PARP11: variants seen among roughly 807,000 people sequenced by gnomAD.
The protein encoded by PARP11 is protein mono-ADP-ribosyltransferase PARP11.
A neutral mutation model predicts 42.9 loss-of-function variants in PARP11; 31 were observed. The observed-to-expected ratio is 0.72, with a 90% CI of 0.54 to 0.98. The LOEUF is 0.98. Among genes scored for constraint, PARP11 ranks in the 50% least tolerant of loss-of-function variants. PARP11 has a pLI of 0.00. For synonymous variants in PARP11, 137 were observed against 127.3 expected, an observed-to-expected ratio of 1.08 and a Z score of -0.51; for missense variants, 365 against 413.1, an observed-to-expected ratio of 0.88 and a Z score of 1.01.
chr12:3,866,962 G>A (rs2138132136), intron 1 of PARP11, among the ~76,000 whole-genome samples: 1 of 152,228 alleles, frequency 6.6e-6, no homozygotes, highest in African/African-American at 2.4e-5. Context: ...AACTACCTGT[G>A]GAGAAAATAT....
At chr12:3,818,608 ATCCTCC>A (rs1213763208) in intron 6 of PARP11, among the ~76,000 whole-genome samples, 1 of 152,186 alleles carries the variant, frequency 6.6e-6, no homozygotes, top group African/African-American at 2.4e-5. Context: ...CACATCTCTC[ATCCTCC>A]TCACTGCCAA....
rs187071509 is a variant in PARP11 at position 3,822,141 on chromosome 12, C to T, written c.361G>A (p.Glu121Lys). The change falls in exon 5 of 8, where the codon GAG (glutamate) becomes AAG (lysine). Residue 121 changes from glutamate (E) to lysine (K), a missense_variant. Coordinates refer to ENST00000228820, the MANE Select transcript of PARP11 (RefSeq NM_020367.6). ...CAGTGTGGTGGCATAGGGATGGCCT[C>T]GTTTTCACAGATGTAACTTGAAACA... is the stretch of plus-strand genomic sequence containing the variant. ...ISAFSYICEN[E>K]AIPMPPHWEN... 3.7e-6 allele frequency: 6 copies of T among 1,613,560 alleles called. No individual in the cohort carries two copies. The East Asian group carries it at 6.7e-5, about 18-fold the overall frequency.
intron 1 of PARP11, among the ~76,000 whole-genome samples, chr12:3,842,866 G>C (rs982238976): frequency 5.3e-5 from 8 of 152,104 alleles, no homozygotes; most frequent in African/African-American, 1.9e-4. Context: ...TTCAAATGTT[G>C]GAAATGTGTG....
At chr12:3,834,634 CAAAA>C (rs567817866) in intron 1 of PARP11, among the ~76,000 whole-genome samples, 2 of 69,396 alleles carry the variant, frequency 2.9e-5, no homozygotes, top group Non-Finnish European at 3.2e-5. Flanking sequence ...CACTCCATCT[CAAAA>C]AAAAAAAAAA....
chr12:3,869,905 T>C (rs1948445675), intron 1 of PARP11, among the ~76,000 whole-genome samples: 1 of 152,152 alleles, frequency 6.6e-6, no homozygotes, highest in South Asian at 2.1e-4. Context: ...GCTCAATAAA[T>C]AAGTGAGTGA....
chr12:3,846,850 T>G (rs1948012491), intron 1 of PARP11, among the ~76,000 whole-genome samples: 1 of 151,610 alleles, frequency 6.6e-6, no homozygotes, highest in Admixed American at 6.6e-5. Flanking sequence ...TTTGGGAGGC[T>G]GAGGTAGGAG....
chr12:3,850,626 A>G (rs1247976335), intron 1 of PARP11, among the ~76,000 whole-genome samples: 1 of 152,136 alleles, frequency 6.6e-6, no homozygotes, highest in Non-Finnish European at 1.5e-5. Context: ...AGAGGCCAAT[A>G]TCTATGTGCA....
intron 3 of PARP11, among the ~76,000 whole-genome samples, chr12:3,827,295 ATG>A (rs1313639644): frequency 2.0e-5 from 3 of 152,236 alleles, no homozygotes; most frequent in African/African-American, 2.4e-5. Flanking sequence ...TTATTAGTAT[ATG>A]TAACTCCCAT....
At chr12:3,815,266 C>G (rs1371368431) in intron 6 of PARP11, among the ~76,000 whole-genome samples, 1 of 152,222 alleles carries the variant, frequency 6.6e-6, no homozygotes, top group African/African-American at 2.4e-5. Context: ...CACAGCATCA[C>G]GTGCTCACTT....
intron 3 of PARP11, among the ~76,000 whole-genome samples, chr12:3,827,273 G>C (rs953240618): frequency 1.3e-5 from 2 of 152,132 alleles, no homozygotes; most frequent in Admixed American, 6.5e-5. Context: ...ACAGAGGGTT[G>C]GGGAACTCCA....
intron 1 of PARP11, among the ~76,000 whole-genome samples, chr12:3,856,013 C>CA (rs1191256396): frequency 5.3e-5 from 8 of 152,142 alleles, no homozygotes; most frequent in Middle Eastern, 3.4e-3. Context: ...ACAAACCTGA[C>CA]AAAAACAAGA....
chr12:3,828,613 G>T (rs1947577682), intron 3 of PARP11, among the ~76,000 whole-genome samples: 1 of 151,316 alleles, frequency 6.6e-6, no homozygotes, highest in African/African-American at 2.4e-5. Flanking sequence ...CTGATGGGAT[G>T]AATAAAACAA....
chr12:3,860,080 T>G (rs374487198), intron 1 of PARP11, among the ~76,000 whole-genome samples: 9 of 152,304 alleles, frequency 5.9e-5, no homozygotes, highest in East Asian at 5.8e-4. Flanking sequence ...TACTTAAAGA[T>G]GCAGAAAATT....
intron 6 of PARP11, among the ~76,000 whole-genome samples, chr12:3,816,039 T>C (rs1193733734): frequency 1.3e-5 from 2 of 152,212 alleles, no homozygotes; most frequent in Non-Finnish European, 2.9e-5. Flanking sequence ...TTTCAGACCA[T>C]TAAGCATGAC....
chr12:3,813,832 T>A (rs1947230015), intron 7 of PARP11, among the ~76,000 whole-genome samples: 2 of 152,370 alleles, frequency 1.3e-5, no homozygotes, highest in African/African-American at 4.8e-5. Context: ...TATTGCTCAC[T>A]AATATTCTTA....
intron 4 of PARP11, chr12:3,824,600 T>C: frequency 2.0e-6 from 2 of 979,484 alleles, no homozygotes; most frequent in Non-Finnish European, 2.4e-6. Context: ...CCTCTCCTTT[T>C]ATTATTATCT....
chr12:3,844,196 T>C (rs1310275741), intron 1 of PARP11, among the ~76,000 whole-genome samples: 9 of 152,308 alleles, frequency 5.9e-5, no homozygotes, highest in East Asian at 3.9e-4. Flanking sequence ...AACAGGATTT[T>C]AGAGAGCACT....
chr12:3,857,764 C>A (rs1948219218), intron 1 of PARP11, among the ~76,000 whole-genome samples: 1 of 152,094 alleles, frequency 6.6e-6, no homozygotes, highest in African/African-American at 2.4e-5. Flanking sequence ...TTTTGTTATT[C>A]CTTGACAACT....
At chr12:3,870,572 T>C (rs183374469) in intron 1 of PARP11, among the ~76,000 whole-genome samples, 1 of 152,358 alleles carries the variant, frequency 6.6e-6, no homozygotes, top group Admixed American at 6.5e-5. Context: ...GGAAAATTCA[T>C]AGTAGGAGCA....
Sources: gnomAD v4.1 joint callset for allele counts (sites outside exome capture counted in the v4.1 genomes callset) on GRCh38, gnomAD v4.1.1 for gene constraint, MANE v1.5 for transcripts, NCBI Gene and HGNC (gene_info 2026-07-23, HGNC 2026-07-21) for gene names.